LIN52: variants seen among roughly 807,000 people sequenced by gnomAD.
LIN52 encodes protein lin-52 homolog.
In LIN52, 4 loss-of-function variants were observed where a neutral mutation model predicts 18.5. The ratio of observed to expected loss-of-function variants is 0.22; its 90% CI spans 0.11 to 0.49. The LOEUF (loss-of-function observed/expected upper bound fraction) is 0.49. Ranked by LOEUF, LIN52 falls within the 20% of genes least tolerant of loss-of-function variation. The pLI, the probability that LIN52 is intolerant of heterozygous loss-of-function variation, is 0.97. For synonymous variants in LIN52, 34 were observed against 45.5 expected (o/e 0.75, Z 1.02); for missense variants, 102 against 139.5 (o/e 0.73, Z 1.35).
chr14:74,115,733 T>C (rs1393334755), intron 5 of LIN52, among the ~76,000 whole-genome samples: 1 of 152,240 alleles, frequency 6.6e-6, no homozygotes, highest in Non-Finnish European at 1.5e-5. Context: ...ATTTTTCCCT[T>C]GGTTAACAAA....
intron 5 of LIN52, among the ~76,000 whole-genome samples, chr14:74,166,091 A>C (rs2061248684): frequency 6.6e-6 from 1 of 150,742 alleles, no homozygotes; most frequent in South Asian, 2.1e-4. Flanking sequence ...GGGTTTCTCC[A>C]TGTTGATCAG....
chr14:74,141,123 T>C (rs1050490222), intron 5 of LIN52, among the ~76,000 whole-genome samples: 44 of 152,182 alleles, frequency 2.9e-4, no homozygotes, highest in African/African-American at 9.9e-4. Flanking sequence ...GTTAAACTTA[T>C]ACAAATAATA....
rs1433870942 is a variant in LIN52 at position 74,200,438 on chromosome 14, A to G, written c.*1461A>G. The G allele has an allele frequency of 3.3e-5, 4 of 120,194 alleles. No individual in the cohort carries two copies. In the East Asian group the frequency reaches 8.3e-4, roughly 25 times the overall value. The allele number at this position is 120,194 out of a possible 1,614,324, so 7.4% of individuals were successfully genotyped here. A position where few individuals can be genotyped will look rare whatever the true frequency, so the allele number is the denominator to read the frequency against. On this transcript the variant is annotated 3_prime_UTR_variant, in exon 6 of 6. Coordinates refer to ENST00000555028, the MANE Select transcript of LIN52 (RefSeq NM_001024674.3). ...AGAAAAAAAAAAAAAAAAAAAAAAA[A>G]AAAAAGAATATCCCTGTGGCAATAG...
chr14:74,192,390 A>T (rs1317774017), intron 5 of LIN52, among the ~76,000 whole-genome samples: 1 of 152,096 alleles, frequency 6.6e-6, no homozygotes, highest in African/African-American at 2.4e-5. Flanking sequence ...GGTTCAAGCG[A>T]TTCTCCTGCC....
chr14:74,086,548 G>A (rs183082936), intron 1 of LIN52, among the ~76,000 whole-genome samples: 1 of 152,042 alleles, frequency 6.6e-6, no homozygotes, highest in Non-Finnish European at 1.5e-5. Flanking sequence ...CAGCTACTTG[G>A]GGGGGCTGAG....
intron 5 of LIN52, among the ~76,000 whole-genome samples, chr14:74,165,997 T>C (rs1244842640): frequency 1.3e-5 from 2 of 151,570 alleles, no homozygotes; most frequent in Non-Finnish European, 2.9e-5. Flanking sequence ...CTTCAAGCAA[T>C]TCTCCTGCCT....
intron 5 of LIN52, among the ~76,000 whole-genome samples, chr14:74,104,716 A>C (rs2060886140): frequency 6.6e-6 from 1 of 151,736 alleles, no homozygotes; most frequent in Non-Finnish European, 1.5e-5. Context: ...CTATCAGGAA[A>C]TAAAAAGGGA....
chr14:74,193,440 T>C (rs2078892730), intron 5 of LIN52, among the ~76,000 whole-genome samples: 1 of 151,796 alleles, frequency 6.6e-6, no homozygotes, highest in Admixed American at 6.6e-5. Flanking sequence ...AATCCTTCCA[T>C]ACCTTGTTAA....
At chr14:74,119,887 G>A (rs2060989662) in intron 5 of LIN52, among the ~76,000 whole-genome samples, 1 of 150,360 alleles carries the variant, frequency 6.7e-6, no homozygotes, top group African/African-American at 2.5e-5. Flanking sequence ...CCAGGCTGGA[G>A]TGCAATGGCA....
chr14:74,187,575 G>T (rs1323366796), intron 5 of LIN52, among the ~76,000 whole-genome samples: 4 of 152,032 alleles, frequency 2.6e-5, no homozygotes, highest in Non-Finnish European at 5.9e-5. Context: ...TTTAATGATG[G>T]TTCTACTTTT....
At chr14:74,197,778 T>C (rs1017180907) in intron 5 of LIN52, among the ~76,000 whole-genome samples, 1 of 152,186 alleles carries the variant, frequency 6.6e-6, no homozygotes, top group Non-Finnish European at 1.5e-5. Flanking sequence ...TTGTGTAGTT[T>C]TTATTTCTTC....
intron 5 of LIN52, among the ~76,000 whole-genome samples, chr14:74,131,127 A>G (rs1352076139): frequency 6.6e-6 from 1 of 151,848 alleles, no homozygotes; most frequent in African/African-American, 2.4e-5. Flanking sequence ...CCTATTGTCT[A>G]TTTGCCTTCT....
At chr14:74,103,383 GT>G (rs1442731081) in intron 5 of LIN52, among the ~76,000 whole-genome samples, 1 of 142,722 alleles carries the variant, frequency 7.0e-6, no homozygotes, top group East Asian at 2.1e-4. Flanking sequence ...CTGACATATT[GT>G]TTTTTTTCCT....
intron 1 of LIN52, among the ~76,000 whole-genome samples, chr14:74,089,620 GGC>G (rs1186460153): frequency 1.3e-5 from 2 of 151,938 alleles, no homozygotes; most frequent in African/African-American, 4.8e-5. Flanking sequence ...CACCCACCTC[GGC>G]CTCCCAAAAC....
At chr14:74,101,748 C>T (rs1391664538) in intron 5 of LIN52, among the ~76,000 whole-genome samples, 1 of 152,098 alleles carries the variant, frequency 6.6e-6, no homozygotes, top group Admixed American at 6.5e-5. Context: ...GCGTGAGCCA[C>T]CGCGCCCGGC....
intron 5 of LIN52, among the ~76,000 whole-genome samples, chr14:74,130,633 C>A (rs1595168219): frequency 8.5e-6 from 1 of 117,884 alleles, no homozygotes; most frequent in East Asian, 2.7e-4. Flanking sequence ...CTCACTCTGT[C>A]ACCCAGGCTG....
intron 5 of LIN52, among the ~76,000 whole-genome samples, chr14:74,183,666 G>T (rs1031093690): frequency 4.6e-5 from 7 of 152,028 alleles, no homozygotes; most frequent in African/African-American, 1.7e-4. Flanking sequence ...CCCATCCCCA[G>T]CTTCAAAAAT....
At chr14:74,188,206 A>G (rs750651401) in intron 5 of LIN52, among the ~76,000 whole-genome samples, 18 of 152,180 alleles carry the variant, frequency 1.2e-4, no homozygotes, top group Non-Finnish European at 2.4e-4. Context: ...GCCACCCCTA[A>G]CAATATTAAA....
intron 5 of LIN52, among the ~76,000 whole-genome samples, chr14:74,170,207 G>C (rs138865588): frequency 3.7e-4 from 56 of 152,258 alleles, no homozygotes; most frequent in African/African-American, 1.0e-3. Flanking sequence ...TGAGAGCCAG[G>C]ACCTCACCTG....
Sources: gnomAD v4.1 joint callset for allele counts (sites outside exome capture counted in the v4.1 genomes callset) on GRCh38, gnomAD v4.1.1 for gene constraint, MANE v1.5 for transcripts, NCBI Gene and HGNC (gene_info 2026-07-23, HGNC 2026-07-21) for gene names.